IL1RAPL1: variants seen among roughly 807,000 people sequenced by gnomAD.
IL1RAPL1 encodes the protein interleukin 1 receptor accessory protein like 1, also known as interleukin-1 receptor accessory protein-like 1.
A neutral mutation model predicts 48.4 loss-of-function variants in IL1RAPL1; 3 were observed. The observed-to-expected ratio is 0.06, with a 90% CI of 0.03 to 0.16. IL1RAPL1 has a LOEUF of 0.16. Among genes scored for constraint, IL1RAPL1 ranks in the 10% least tolerant of loss-of-function variants. IL1RAPL1 has a pLI of 1.00. For missense variants in IL1RAPL1, 349 were observed against 530.6 expected (o/e 0.66, Z 3.36); for synonymous variants, 185 against 187.7 (o/e 0.99, Z 0.12).
intron 2 of IL1RAPL1, among the ~76,000 whole-genome samples, chrX:29,158,674 C>CT (rs1929614323): frequency 9.0e-6 from 1 of 111,235 alleles, no homozygotes; most frequent in African/African-American, 3.3e-5. Flanking sequence ...ACCACTGCAC[C>CT]TGGGCTGGTG....
At chrX:29,601,992 G>GT (rs747032687) in intron 5 of IL1RAPL1, among the ~76,000 whole-genome samples, 2 of 110,820 alleles carry the variant, frequency 1.8e-5, no homozygotes, top group Admixed American at 1.9e-4. Flanking sequence ...TTTGTTTTTT[G>GT]TTTTTTTTGA....
chrX:28,891,489 A>G (rs1293481492), intron 2 of IL1RAPL1, among the ~76,000 whole-genome samples: 1 of 111,675 alleles, frequency 9.0e-6, no homozygotes, highest in East Asian at 2.8e-4. Flanking sequence ...AGCAACCACT[A>G]GTCTTCTTTC....
chrX:29,499,319 T>C (rs1046896977), intron 5 of IL1RAPL1, among the ~76,000 whole-genome samples: 2 of 112,141 alleles, frequency 1.8e-5, no homozygotes, highest in Non-Finnish European at 3.8e-5. Context: ...TGTTAACGGA[T>C]TGAAAGGTTT....
At chrX:29,502,356 T>C (rs139302283) in intron 5 of IL1RAPL1, among the ~76,000 whole-genome samples, 1,178 of 111,314 alleles carry the variant, frequency 0.011, 12 homozygotes, top group African/African-American at 0.037. Flanking sequence ...CATTATTATA[T>C]CGAATAAAGG....
intron 2 of IL1RAPL1, among the ~76,000 whole-genome samples, chrX:29,072,062 T>C (rs747921016): frequency 9.0e-6 from 1 of 111,238 alleles, no homozygotes; most frequent in African/African-American, 3.3e-5. Flanking sequence ...TATTAGTCTC[T>C]TCTTTGCTCC....
chrX:29,506,267 A>G (rs889896515), intron 5 of IL1RAPL1, among the ~76,000 whole-genome samples: 6 of 111,913 alleles, frequency 5.4e-5, no homozygotes, highest in African/African-American at 2.0e-4. Flanking sequence ...TGAGGAGGTC[A>G]TAGTTCCCTA....
At chrX:29,858,299 C>A (rs1364552697) in intron 6 of IL1RAPL1, among the ~76,000 whole-genome samples, 2 of 111,813 alleles carry the variant, frequency 1.8e-5, no homozygotes, top group Non-Finnish European at 3.8e-5. Context: ...CATAAAAACT[C>A]AATACATATC....
intron 1 of IL1RAPL1, among the ~76,000 whole-genome samples, chrX:28,644,553 TGTTAATTG>T (rs948865972): frequency 2.7e-5 from 3 of 111,577 alleles, no homozygotes; most frequent in African/African-American, 9.8e-5. Flanking sequence ...TTCATATATC[TGTTAATTG>T]ACTCTAACTG....
intron 5 of IL1RAPL1, among the ~76,000 whole-genome samples, chrX:29,535,845 T>C (rs1921213459): frequency 8.9e-6 from 1 of 112,275 alleles, no homozygotes; most frequent in Non-Finnish European, 1.9e-5. Context: ...TAGAATGGGC[T>C]ATTTACTCAG....
At chrX:29,393,437 C>T (rs1933882707) in intron 3 of IL1RAPL1, among the ~76,000 whole-genome samples, 1 of 111,675 alleles carries the variant, frequency 9.0e-6, no homozygotes. Context: ...CCCTAGTTCT[C>T]AAAAATAATG....
chrX:29,400,381 G>A (rs192920019), intron 5 of IL1RAPL1, among the ~76,000 whole-genome samples: 1 of 112,410 alleles, frequency 8.9e-6, no homozygotes, highest in Admixed American at 9.4e-5. Context: ...ATATCCAAAT[G>A]TGCATAATTT....
chrX:29,603,423 C>T (rs373463992), intron 5 of IL1RAPL1, among the ~76,000 whole-genome samples: 23 of 112,055 alleles, frequency 2.1e-4, no homozygotes, highest in African/African-American at 6.5e-4. Flanking sequence ...CTGATAAGTG[C>T]ATCATTGTTA....
chrX:29,323,740 T>TTTTATA (rs1168681630), intron 3 of IL1RAPL1, among the ~76,000 whole-genome samples: 1 of 22,157 alleles, frequency 4.5e-5, no homozygotes, highest in African/African-American at 3.3e-4. Flanking sequence ...TATATATATA[T>TTTTATA]ATATATATAT....
intron 1 of IL1RAPL1, among the ~76,000 whole-genome samples, chrX:28,700,004 G>T: frequency 9.0e-6 from 1 of 111,237 alleles, no homozygotes; most frequent in Middle Eastern, 4.7e-3. Flanking sequence ...TACAAAACCT[G>T]ACATAGAAGG....
intron 2 of IL1RAPL1, among the ~76,000 whole-genome samples, chrX:28,792,471 G>T (rs1408970328): frequency 9.2e-6 from 1 of 109,096 alleles, no homozygotes; most frequent in Non-Finnish European, 1.9e-5. Flanking sequence ...TCCCATCGCT[G>T]TTAATTTAAG....
At chrX:29,631,892 A>G (rs754555359) in intron 5 of IL1RAPL1, among the ~76,000 whole-genome samples, 95 of 112,049 alleles carry the variant, frequency 8.5e-4, no homozygotes, top group African/African-American at 2.8e-3. Flanking sequence ...GTACAAAACT[A>G]ATGGATACAA....
intron 2 of IL1RAPL1, among the ~76,000 whole-genome samples, chrX:29,150,601 A>G (rs1348921033): frequency 9.1e-6 from 1 of 110,400 alleles, no homozygotes; most frequent in Non-Finnish European, 1.9e-5. Flanking sequence ...AGTAAATACA[A>G]GATGGGTGTT....
At chrX:28,639,522 C>T (rs922499635) in intron 1 of IL1RAPL1, among the ~76,000 whole-genome samples, 4 of 111,742 alleles carry the variant, frequency 3.6e-5, no homozygotes, top group Non-Finnish European at 5.6e-5. Flanking sequence ...TTCCTAAAGA[C>T]GGAAAATAAA....
intron 8 of IL1RAPL1, among the ~76,000 whole-genome samples, chrX:29,921,023 A>G (rs771972591): frequency 9.0e-6 from 1 of 110,853 alleles, no homozygotes; most frequent in Non-Finnish European, 1.9e-5. Flanking sequence ...ATGCATTTTT[A>G]AGTAAGATAA....
Sources: gnomAD v4.1 joint callset for allele counts (sites outside exome capture counted in the v4.1 genomes callset) on GRCh38, gnomAD v4.1.1 for gene constraint, MANE v1.5 for transcripts, NCBI Gene and HGNC (gene_info 2026-07-23, HGNC 2026-07-21) for gene names.